The following SETBP1 variants were observed in gnomAD, a reference collection of about 807,000 sequenced individuals.
SETBP1 encodes SET-binding protein.
In SETBP1, 9 loss-of-function variants were observed where a neutral mutation model predicts 101.0. The ratio of observed to expected loss-of-function variants is 0.09; its 90% confidence interval spans 0.05 to 0.16. SETBP1 has a LOEUF of 0.16. Among genes scored for constraint, SETBP1 ranks in the 10% least tolerant of loss-of-function variants. The pLI is 1.00. For missense variants in SETBP1, 1,858 were observed against 2,033.8 expected (o/e 0.91, Z 1.66); for synonymous variants, 818 against 788.5 (o/e 1.04, Z -0.63).
intron 3 of SETBP1, among the ~76,000 whole-genome samples, chr18:44,912,952 A>G (rs2070347045): frequency 6.6e-6 from 1 of 152,096 alleles, no homozygotes; most frequent in African/African-American, 2.4e-5. Context: ...ACCTCTCTTC[A>G]GTGTCAGCAA....
At chr18:44,801,684 A>G (rs1041669009) in intron 2 of SETBP1, among the ~76,000 whole-genome samples, 3 of 152,086 alleles carry the variant, frequency 2.0e-5, no homozygotes, top group Non-Finnish European at 1.5e-5. Flanking sequence ...TATTTTTTTA[A>G]TTTGAAAACA....
At chr18:44,981,849 A>G (rs909838558) in intron 4 of SETBP1, among the ~76,000 whole-genome samples, 1 of 152,200 alleles carries the variant, frequency 6.6e-6, no homozygotes, top group Admixed American at 6.5e-5. Context: ...ATTAGCCTAC[A>G]ATAAGGTCGA....
intron 2 of SETBP1, among the ~76,000 whole-genome samples, chr18:44,750,696 A>T (rs1316936050): frequency 6.6e-6 from 1 of 152,174 alleles, no homozygotes; most frequent in Non-Finnish European, 1.5e-5. Context: ...CGGGTTTCCT[A>T]TCTCCATTTC....
intron 2 of SETBP1, among the ~76,000 whole-genome samples, chr18:44,721,298 T>A (rs1284121551): frequency 6.6e-6 from 1 of 152,212 alleles, no homozygotes; most frequent in East Asian, 1.9e-4. Flanking sequence ...GAATCCAGCC[T>A]CTGTCTTGGA....
At chr18:44,916,008 T>C (rs2070417088) in intron 3 of SETBP1, among the ~76,000 whole-genome samples, 1 of 152,014 alleles carries the variant, frequency 6.6e-6, no homozygotes, top group Admixed American at 6.6e-5. Flanking sequence ...GGCAGATCAT[T>C]TGAGGTAAGA....
chr18:44,873,757 T>G (rs1266434123), intron 3 of SETBP1, among the ~76,000 whole-genome samples: 1 of 152,176 alleles, frequency 6.6e-6, no homozygotes, highest in African/African-American at 2.4e-5. Flanking sequence ...AATAATAGGT[T>G]TTTTTAAAGT....
At chr18:44,782,740 TA>T (rs1369595518) in intron 2 of SETBP1, among the ~76,000 whole-genome samples, 38 of 152,186 alleles carry the variant, frequency 2.5e-4, no homozygotes, top group African/African-American at 8.9e-4. Context: ...CAAATATGTC[TA>T]GGTCAGTCTG....
At chr18:44,820,619 A>G (rs1448857310) in intron 2 of SETBP1, among the ~76,000 whole-genome samples, 1 of 152,188 alleles carries the variant, frequency 6.6e-6, no homozygotes, top group East Asian at 1.9e-4. Context: ...CAACTCTACT[A>G]GCTCCCTCAC....
intron 4 of SETBP1, among the ~76,000 whole-genome samples, chr18:44,995,377 G>T (rs898484349): frequency 1.3e-5 from 2 of 151,954 alleles, no homozygotes; most frequent in South Asian, 2.1e-4. Context: ...TCCTGACTTC[G>T]TGATCTGCCC....
chr18:44,875,813 C>T (rs1010607094), intron 3 of SETBP1, among the ~76,000 whole-genome samples: 1 of 152,182 alleles, frequency 6.6e-6, no homozygotes, highest in East Asian at 1.9e-4. Flanking sequence ...GTTAAGGTCA[C>T]CAAGCCCATA....
chr18:44,834,810 A>G (rs373699825), intron 2 of SETBP1, among the ~76,000 whole-genome samples: 5 of 152,354 alleles, frequency 3.3e-5, no homozygotes, highest in African/African-American at 9.6e-5. Flanking sequence ...TTTGTTCAAC[A>G]TAGGCCCACA....
At chr18:44,737,464 GT>G (rs893587179) in intron 2 of SETBP1, among the ~76,000 whole-genome samples, 4 of 152,164 alleles carry the variant, frequency 2.6e-5, no homozygotes, top group African/African-American at 9.7e-5. Flanking sequence ...TGCCTTGGGA[GT>G]ACACTGTGCT....
chr18:44,847,898 G>A (rs554807979), intron 2 of SETBP1, among the ~76,000 whole-genome samples: 3 of 152,236 alleles, frequency 2.0e-5, no homozygotes, highest in South Asian at 4.2e-4. Flanking sequence ...TGAAGTTAGG[G>A]AGGGAGCAGG....
intron 4 of SETBP1, among the ~76,000 whole-genome samples, chr18:45,035,067 A>T (rs1403770014): frequency 6.6e-6 from 1 of 151,688 alleles, no homozygotes; most frequent in Non-Finnish European, 1.5e-5. Context: ...AAGGGTAATG[A>T]AGAGACTTCC....
rs869183572 is a variant in SETBP1, at chr18:44,885,856, AC to A, written c.540+16574del. 5.4e-3 allele frequency among the ~76,000 whole-genome samples: 216 copies of A among 40,020 alleles called. 28 individuals carry two copies. Among genetic ancestry groups the A allele is most frequent in the Non-Finnish European group, 5.4e-3 (106 of 19,506 alleles). 26.3% of individuals were successfully genotyped at this position (40,020 alleles called of 152,430 possible). The stretch of plus-strand genomic sequence containing the variant: ...GCCCATTTCATTAAAAAAAAAAAAA[AC>A]AAAAAAAAAAACAAGGTGACTTACC... On this transcript the variant is annotated intron_variant, in intron 3 of 5. Transcript: ENST00000649279.
intron 3 of SETBP1, among the ~76,000 whole-genome samples, chr18:44,882,503 CTT>C (rs79656454): frequency 1.2e-4 from 18 of 144,090 alleles, no homozygotes; most frequent in Admixed American, 1.4e-4. Flanking sequence ...ACCTTTGTGT[CTT>C]TTTTTTTTTT....
intron 4 of SETBP1, among the ~76,000 whole-genome samples, chr18:45,005,715 C>T (rs1465801352): frequency 2.1e-5 from 3 of 144,448 alleles, no homozygotes; most frequent in South Asian, 2.2e-4. Flanking sequence ...GGCATGATCT[C>T]GGCTCACTGC....
At chr18:44,793,026 G>T (rs2071399712) in intron 2 of SETBP1, among the ~76,000 whole-genome samples, 1 of 152,150 alleles carries the variant, frequency 6.6e-6, no homozygotes, top group African/African-American at 2.4e-5. Flanking sequence ...ACATGGAGTG[G>T]CCAGATGAAG....
At chr18:44,743,590 C>T (rs951799736) in intron 2 of SETBP1, among the ~76,000 whole-genome samples, 5 of 152,074 alleles carry the variant, frequency 3.3e-5, no homozygotes, top group Admixed American at 1.3e-4. Context: ...TCTTATACAA[C>T]GTGGGATATG....
Sources: gnomAD v4.1 joint callset for allele counts (sites outside exome capture counted in the v4.1 genomes callset) on GRCh38, gnomAD v4.1.1 for gene constraint, MANE v1.5 for transcripts, NCBI Gene and HGNC (gene_info 2026-07-23, HGNC 2026-07-21) for gene names.